The following HNRNPUL1 variants were observed in gnomAD, a reference collection of about 807,000 sequenced individuals.
HNRNPUL1 encodes heterogeneous nuclear ribonucleoprotein U like 1, also known as heterogeneous nuclear ribonucleoprotein U-like protein 1.
Under a neutral mutation model 108.5 loss-of-function variants are expected in HNRNPUL1, and 14 were observed. The ratio of observed to expected loss-of-function variants is 0.13; its 90% CI spans 0.09 to 0.20. HNRNPUL1 has a LOEUF of 0.20. Among genes scored for constraint, HNRNPUL1 ranks in the 10% least tolerant of loss-of-function variants. The pLI, the probability that HNRNPUL1 is intolerant of heterozygous loss-of-function variation, is 1.00. For missense variants in HNRNPUL1, 804 were observed against 1,168.3 expected (o/e 0.69, Z 4.55); for synonymous variants, 422 against 445.2 (o/e 0.95, Z 0.66).
chr19:41,281,729 T>C (rs1039405688), intron 7 of HNRNPUL1, among the ~76,000 whole-genome samples: 2 of 152,190 alleles, frequency 1.3e-5, no homozygotes, highest in Non-Finnish European at 2.9e-5. Context: ...CACTGCCTTC[T>C]GGAAGAGTAG....
At chr19:41,275,934 C>T (rs1225266022) in intron 4 of HNRNPUL1, among the ~76,000 whole-genome samples, 1 of 152,128 alleles carries the variant, frequency 6.6e-6, no homozygotes, top group African/African-American at 2.4e-5. Context: ...GAAACCCTAT[C>T]TCTACTAAAA....
chr19:41,294,253 G>A lies in HNRNPUL1; in HGVS notation c.1267-85G>A, dbSNP rs1281285549. The A allele has an allele frequency of 2.5e-5, 38 of 1,506,694 alleles. No homozygotes were observed. Among genetic ancestry groups the A allele is most frequent in the African/African-American group, 6.9e-5 (5 of 72,838 alleles). 93.3% of individuals were successfully genotyped at this position (1,506,694 alleles called of 1,614,324 possible). ...TTGTAGAGGCAGCCACAGCTCAGAG[G>A]TCCAGAGTCACACTCACAGTCACCA... On this transcript the variant is annotated intron_variant, in intron 8 of 14. Coordinates refer to ENST00000392006, the MANE Select transcript of HNRNPUL1 (RefSeq NM_007040.6). The surrounding 1 kb of genome is among the most constrained non-coding windows in gnomAD (Gnocchi z 4.3).
intron 6 of HNRNPUL1, among the ~76,000 whole-genome samples, chr19:41,280,133 T>C (rs1476445094): frequency 6.6e-6 from 1 of 152,236 alleles, no homozygotes; most frequent in Non-Finnish European, 1.5e-5. Flanking sequence ...ATAGATGATA[T>C]TCTCACTCAC....
Position 41,302,914 on chromosome 19 carries a change from G to T in HNRNPUL1, c.1937G>T (p.Gly646Val), listed in dbSNP as rs753420084. 6.5e-7 allele frequency: 1 copy of T among 1,532,764 alleles called. No homozygotes were observed. The highest frequency in any genetic ancestry group is 8.8e-7 in the Non-Finnish European group (1 of 1,141,092). The allele number at this position is 1,532,764 out of a possible 1,614,324, so 94.9% of individuals were successfully genotyped here. Residue 646 changes from glycine (G) to valine (V), a missense_variant, in exon 12 of 15, where the codon GGG (glycine) becomes GTG (valine). This residue lies in a region of HNRNPUL1 where 294 missense variants were observed against 388.3 expected (regional missense o/e 0.76). Transcript: ENST00000392006. Reference sequence around the variant, plus strand: ...AACCGTGGCGGCTTCCAGAACCGAGGGGGAGGCAGCGGTGGAGGAGGCAAC... The same window carrying T: ...AACCGTGGCGGCTTCCAGAACCGAGTGGGAGGCAGCGGTGGAGGAGGCAAC... ...GGNRGGFQNR[G>V]GGSGGGGNYR...
At chr19:41,283,273 T>C (rs35812313) in intron 7 of HNRNPUL1, among the ~76,000 whole-genome samples, 20,960 of 152,112 alleles carry the variant, frequency 0.14, 1,675 homozygotes, top group East Asian at 0.27. Flanking sequence ...TATTAAATCA[T>C]AACTGTTTTT....
chr19:41,276,098 C>T (rs1040925136), intron 4 of HNRNPUL1, 61 bp from the exon 5 acceptor site: 32 of 1,605,794 alleles, frequency 2.0e-5, no homozygotes, highest in Non-Finnish European at 2.5e-5. Context: ...AGTGAAACTC[C>T]GTCTCAAGAA....
At chr19:41,277,506 GTTTGTTTT>G in intron 5 of HNRNPUL1, among the ~76,000 whole-genome samples, 1 of 152,174 alleles carries the variant, frequency 6.6e-6, no homozygotes, top group Admixed American at 6.5e-5. Flanking sequence ...TTTTTTGTTT[GTTTGTTTT>G]TTTGTTTTTG....
In HNRNPUL1 at chr19:41,305,750, A is replaced by C; in HGVS notation, c.2337A>C (p.Pro779=). Residue 779 remains proline (P), a synonymous_variant, in exon 14 of 15, where the codon CCA becomes CCC. Coordinates refer to ENST00000392006, the MANE Select transcript of HNRNPUL1 (RefSeq NM_007040.6). ...QGYTAPPPPP[P]PPPAYNYGSY... ...ACACAGCCCCACCGCCTCCACCTCC[A>C]CCACCACCTGCCTACAACTATGGGA... The C allele has an allele frequency of 6.2e-7, 1 of 1,613,892 alleles. No homozygotes were observed. Among genetic ancestry groups the C allele is most frequent in the Non-Finnish European group, 8.5e-7 (1 of 1,179,916 alleles).
chr19:41,288,202 CTTT>C (rs71177709), intron 7 of HNRNPUL1, among the ~76,000 whole-genome samples: 6 of 93,100 alleles, frequency 6.4e-5, no homozygotes, highest in Admixed American at 1.2e-4. Flanking sequence ...GGGGTTTCAT[CTTT>C]TTTTTTTTTT....
intron 14 of HNRNPUL1, 66 bp downstream of exon 14, chr19:41,305,933 C>G: frequency 8.9e-7 from 1 of 1,128,358 alleles, no homozygotes; most frequent in South Asian, 1.5e-5. Flanking sequence ...GGTGTGTATT[C>G]CCAGACTTAA....
chr19:41,264,788 G>A lies in HNRNPUL1; in HGVS notation c.285G>A (p.Pro95=), dbSNP rs756234610. 7.3e-7 allele frequency: 1 copy of A among 1,363,866 alleles called. No individual in the cohort carries two copies. The highest frequency in any genetic ancestry group is 1.5e-5 in the African/African-American group (1 of 65,436). 84.5% of individuals were successfully genotyped at this position (1,363,866 alleles called of 1,614,324 possible). ...CGGAGCCCGGCGGCTACTCGGGGCC[G>A]GACGGACATTGTGAGAGTGCGCGGG... ...PHAEPGGYSG[P]DGHYAMDNIT... Residue 95 remains proline (P), a synonymous_variant, in exon 1 of 15, where the codon CCG becomes CCA. Coordinates refer to ENST00000392006, the MANE Select transcript of HNRNPUL1 (RefSeq NM_007040.6).
At chr19:41,263,036 G>C (rs2122316660), upstream of HNRNPUL1, 1 of 100,466 alleles carries the variant, frequency 1.0e-5, no homozygotes, top group South Asian at 3.6e-4. Context: ...GCGAGACTCC[G>C]TCTCAAAAAA....
At chr19:41,265,195 G>A in intron 1 of HNRNPUL1, 2 of 1,483,504 alleles carry the variant, frequency 1.3e-6, no homozygotes, top group Non-Finnish European at 1.8e-6. Context: ...CTTGGCGGTC[G>A]TGCTAGCCCA....
Position 41,302,721 on chromosome 19 carries a change from C to A in HNRNPUL1, c.1744C>A (p.Leu582Met). ...DFLDEVLFIE[L>M]QREEADKLVR... is the part of the protein sequence containing the mutation. Reference sequence around the variant, plus strand: ...CCTGGATGAGGTTCTGTTCATTGAGCTGCAGCGGGAGGAAGCGGACAAGCT... The same window carrying A: ...CCTGGATGAGGTTCTGTTCATTGAGATGCAGCGGGAGGAAGCGGACAAGCT... Residue 582 changes from leucine to methionine, a missense_variant, in exon 12 of 15, where the codon CTG becomes ATG. Leu to Met is a conservative substitution (Grantham distance 15). Around this residue, in one of 4 missense-constraint regions of HNRNPUL1, gnomAD observed 294 missense variants for 388.3 expected, o/e 0.76. Coordinates refer to ENST00000392006, the MANE Select transcript of HNRNPUL1 (RefSeq NM_007040.6). 1 of 1,614,186 alleles carries A rather than the reference C, an allele frequency of 6.2e-7. No individual in the cohort carries two copies. The highest frequency in any genetic ancestry group is 8.5e-7 in the Non-Finnish European group (1 of 1,180,034).
At chr19:41,282,309 A>AG (rs2035943011) in intron 7 of HNRNPUL1, among the ~76,000 whole-genome samples, 1 of 152,022 alleles carries the variant, frequency 6.6e-6, no homozygotes, top group Non-Finnish European at 1.5e-5. Context: ...CAGCCCCCTG[A>AG]GTAGCTGGGA....
chr19:41,270,748 C>T lies in HNRNPUL1; in HGVS notation c.419-1334C>T, dbSNP rs184782722. ...GTAGTTGGGACTACGGGCGTGCCAC[C>T]ACACCCAGCTAATTTTTTGTGTGTT... On this transcript the variant is annotated intron_variant, in intron 2 of 14. Transcript: ENST00000392006. Among the ~76,000 whole-genome samples, 20 of 152,046 alleles carry T rather than the reference C, an allele frequency of 1.3e-4. No homozygotes were observed. The East Asian group carries it at 3.9e-3, about 29-fold the overall frequency.
At chr19:41,297,920 T>C (rs1483366216) in intron 10 of HNRNPUL1, among the ~76,000 whole-genome samples, 1 of 152,096 alleles carries the variant, frequency 6.6e-6, no homozygotes, top group African/African-American at 2.4e-5. Context: ...CTTTCCTTCA[T>C]CCCCAGCCAG....
At chr19:41,277,108 AC>A (rs71177708) in intron 5 of HNRNPUL1, among the ~76,000 whole-genome samples, 20,268 of 150,134 alleles carry the variant, frequency 0.13, 1,520 homozygotes, top group East Asian at 0.26. Context: ...AAAAAAAAAA[AC>A]AAAAAAACAA....
intron 1 of HNRNPUL1, among the ~76,000 whole-genome samples, chr19:41,267,559 C>A (rs2034926947): frequency 6.6e-6 from 1 of 152,238 alleles, no homozygotes; most frequent in Non-Finnish European, 1.5e-5. Flanking sequence ...TGACTTTCCT[C>A]CCTTTGGGCT....
Sources: gnomAD v4.1 joint callset for allele counts (sites outside exome capture counted in the v4.1 genomes callset) on GRCh38, gnomAD v4.1.1 for gene constraint, gnomAD v4.1.1 regional missense constraint, Gnocchi (gnomAD v3.1) non-coding constraint, MANE v1.5 for transcripts, NCBI Gene and HGNC (gene_info 2026-07-23, HGNC 2026-07-21) for gene names.